The following ADGRE3 variants were observed in gnomAD, a reference collection of about 807,000 sequenced individuals.
ADGRE3 encodes EGF-like module receptor 3.
Under a neutral mutation model 80.1 loss-of-function variants are expected in ADGRE3, and 88 were observed. The ratio of observed to expected loss-of-function variants is 1.10; its 90% CI spans 0.93 to 1.31. The LOEUF is 1.31. Ranked by LOEUF, ADGRE3 falls within the 40% of genes most tolerant of loss-of-function variation. The pLI is 0.00. For missense variants in ADGRE3, 715 were observed against 776.5 expected, an observed-to-expected ratio of 0.92 and a Z score of 0.94; for synonymous variants, 281 against 294.8, an observed-to-expected ratio of 0.95 and a Z score of 0.48.
chr19:14,670,194 A>G (rs1406540728), intron 1 of ADGRE3, among the ~76,000 whole-genome samples: 1 of 152,162 alleles, frequency 6.6e-6, no homozygotes, highest in Non-Finnish European at 1.5e-5. Context: ...TGGGGCTGCA[A>G]CGGCTGAGAA....
At position 14,647,811 on chromosome 19, in the gene ADGRE3, GGCTCACA is replaced by G. The variant is rs547366115; in HGVS notation, c.698-453_698-447del. The stretch of plus-strand genomic sequence containing the variant: ...ACAGAGTGCTGGCACCGGGCATGGT[GGCTCACA>G]CCTGTAACCCCAGCACTTTGGGAGG... On this transcript the variant is annotated intron_variant, in intron 7 of 15. Transcript: ENST00000253673. Among the ~76,000 whole-genome samples, 274 of 151,750 alleles carry G rather than the reference GGCTCACA, an allele frequency of 1.8e-3. 1 individual carries two copies. Among genetic ancestry groups the G allele is most frequent in the Non-Finnish European group, 3.3e-3 (223 of 67,876 alleles).
At chr19:14,620,548 T>TATATATATAA in intron 15 of ADGRE3, among the ~76,000 whole-genome samples, 2 of 24,976 alleles carry the variant, frequency 8.0e-5, no homozygotes, top group Admixed American at 7.8e-4. Context: ...TATATATATA[T>TATATATATAA]TATATATATA....
intron 1 of ADGRE3, among the ~76,000 whole-genome samples, chr19:14,673,695 A>G (rs1972315290): frequency 6.6e-6 from 1 of 152,218 alleles, no homozygotes; most frequent in East Asian, 1.9e-4. Context: ...AATACATGTA[A>G]GGTGCATAGT....
downstream of ADGRE3, among the ~76,000 whole-genome samples, chr19:14,617,007 C>G (rs1454830239): frequency 1.3e-5 from 2 of 150,298 alleles, no homozygotes; most frequent in African/African-American, 4.9e-5. Context: ...GTTGGTCAGG[C>G]TGGTCTCGAA....
In ADGRE3 at chr19:14,631,539, C is replaced by T. The variant is rs1452371715; in HGVS notation, c.1644-1332G>A. Among the ~76,000 whole-genome samples, 6 of 150,638 alleles carry T rather than the reference C, an allele frequency of 4.0e-5. No homozygotes were observed. In the South Asian group the frequency reaches 6.3e-4, roughly 16 times the overall value. On this transcript the variant is annotated intron_variant, in intron 13 of 15. Coordinates refer to ENST00000253673, the MANE Select transcript of ADGRE3 (RefSeq NM_032571.5). Reference sequence around the variant, plus strand: ...TATATGTACATATATATTTTATATACACTATCACAACATATAATCACAATA... The same window carrying T: ...TATATGTACATATATATTTTATATATACTATCACAACATATAATCACAATA...
intron 2 of ADGRE3, among the ~76,000 whole-genome samples, chr19:14,664,231 A>T (rs112128139): frequency 0.041 from 6,192 of 152,162 alleles, 147 homozygotes; most frequent in East Asian, 0.1. Flanking sequence ...TGAGGTCAGG[A>T]GTTTGAGACC....
chr19:14,651,241 G>A (rs1240759661), intron 6 of ADGRE3, 37 bp from the exon 7 acceptor site: 2 of 1,612,398 alleles, frequency 1.2e-6, no homozygotes, highest in Admixed American at 1.7e-5. Context: ...TAGTGATATT[G>A]TAAGAAACTT....
intron 12 of ADGRE3, 51 bp downstream of exon 12, chr19:14,633,185 G>T: frequency 6.6e-7 from 1 of 1,517,332 alleles, no homozygotes; most frequent in Non-Finnish European, 9.1e-7. Context: ...CTTGTACCCA[G>T]CACTTCTCTT....
chr19:14,652,838 G>T (rs1178473752), intron 6 of ADGRE3, among the ~76,000 whole-genome samples: 1 of 150,442 alleles, frequency 6.6e-6, no homozygotes, highest in Non-Finnish European at 1.5e-5. Flanking sequence ...AACTACTACT[G>T]GTTTGTCTAA....
intron 14 of ADGRE3, chr19:14,628,718 A>T: frequency 2.6e-6 from 1 of 388,604 alleles, no homozygotes; most frequent in South Asian, 2.2e-5. Context: ...ACTGGGATGG[A>T]TCTATGAGTT....
At position 14,662,020 on chromosome 19, in the gene ADGRE3, A is replaced by G; in HGVS notation, c.298T>C (p.Tyr100His). Residue 100 changes from tyrosine to histidine, a missense_variant, in exon 4 of 16, where the codon TAT becomes CAT. By Grantham distance (83) the Tyr-to-His change is moderately conservative. Transcript: ENST00000253673. Reference protein sequence around the residue: ...GSFYCQCVPGYRLHSGNEQFS... With the variant: ...GSFYCQCVPGHRLHSGNEQFS... ...TGTTCATTCCCAGAATGCAGTCTAT[A>G]TCCTGGGACACATTGACAGTAGAAA... 6.2e-7 allele frequency: 1 copy of G among 1,614,192 alleles called. No individual in the cohort carries two copies. The highest frequency in any genetic ancestry group is 1.1e-5 in the South Asian group (1 of 91,082).
At chr19:14,646,193 G>A (rs927413344) in intron 8 of ADGRE3, among the ~76,000 whole-genome samples, 8 of 152,084 alleles carry the variant, frequency 5.3e-5, no homozygotes, top group African/African-American at 1.9e-4. Context: ...CGCGATCTTG[G>A]CTCACCGCAA....
intron 1 of ADGRE3, among the ~76,000 whole-genome samples, chr19:14,670,693 T>G (rs1271190720): frequency 6.6e-6 from 1 of 152,214 alleles, no homozygotes; most frequent in African/African-American, 2.4e-5. Flanking sequence ...ACTTCAGCTT[T>G]GCAACGACTT....
At chr19:14,632,893 A>G in intron 13 of ADGRE3, 28 bp downstream of exon 13, 1 of 1,454,996 alleles carries the variant, frequency 6.9e-7, no homozygotes, top group Non-Finnish European at 9.7e-7. Flanking sequence ...AGGAAAGGGA[A>G]TAGGAAGTAC....
At chr19:14,653,610 T>C (rs574775162) in intron 6 of ADGRE3, among the ~76,000 whole-genome samples, 98 of 152,246 alleles carry the variant, frequency 6.4e-4, no homozygotes, top group African/African-American at 2.3e-3. Flanking sequence ...TCTCACTCTG[T>C]TGTCCAGGCT....
At chr19:14,601,020 A>G in the ADGRE3 span, among the ~76,000 whole-genome samples, 1 of 146,758 alleles carries the variant, frequency 6.8e-6, no homozygotes, top group Non-Finnish European at 1.5e-5. Flanking sequence ...CTAGTGCCTC[A>G]GTCTCCCGAG....
At chr19:14,638,537 C>T (rs1216333836) in intron 10 of ADGRE3, among the ~76,000 whole-genome samples, 197 bp from the exon 11 acceptor site, 2 of 151,872 alleles carry the variant, frequency 1.3e-5, no homozygotes, top group Non-Finnish European at 2.9e-5. Flanking sequence ...ATTGCTTGAG[C>T]CCAGGAGTTT....
intron 1 of ADGRE3, among the ~76,000 whole-genome samples, chr19:14,671,881 G>T (rs1004385698): frequency 5.9e-5 from 9 of 151,648 alleles, no homozygotes; most frequent in African/African-American, 2.2e-4. Context: ...TGAACTCCTG[G>T]GCTACATGCA....
intron 7 of ADGRE3, among the ~76,000 whole-genome samples, chr19:14,648,107 A>G (rs1247685293): frequency 6.8e-6 from 1 of 147,234 alleles, no homozygotes; most frequent in Non-Finnish European, 1.5e-5. Context: ...AAAAAAAAAG[A>G]TGTTTTCCTA....
Sources: gnomAD v4.1 joint callset for allele counts (sites outside exome capture counted in the v4.1 genomes callset) on GRCh38, gnomAD v4.1.1 for gene constraint, MANE v1.5 for transcripts, NCBI Gene and HGNC (gene_info 2026-07-23, HGNC 2026-07-21) for gene names.